Variants in ARRB1 observed in about 807,000 individuals in gnomAD.
ARRB1 encodes the protein beta-arrestin-1.
ARRB1 carries 21 observed loss-of-function variants against 56.8 expected under a neutral mutation model. That is an observed-to-expected ratio of 0.37 (90% confidence interval 0.26 to 0.53). The LOEUF is 0.53. Ranked by LOEUF, ARRB1 falls within the 20% of genes least tolerant of loss-of-function variation. The pLI, the probability that ARRB1 is intolerant of heterozygous loss-of-function variation, is 0.88. For synonymous variants in ARRB1, 210 were observed against 218.6 expected, an observed-to-expected ratio of 0.96 and a Z score of 0.35; for missense variants, 424 against 553.7, an observed-to-expected ratio of 0.77 and a Z score of 2.35.
At chr11:75,346,641 C>T (rs887414400) in intron 1 of ARRB1, among the ~76,000 whole-genome samples, 9 of 152,158 alleles carry the variant, frequency 5.9e-5, no homozygotes, top group African/African-American at 1.9e-4. Flanking sequence ...TGAGGGGTCT[C>T]GCTCCAGCTC....
At chr11:75,314,551 G>A (rs1172495082) in intron 1 of ARRB1, among the ~76,000 whole-genome samples, 2 of 152,162 alleles carry the variant, frequency 1.3e-5, no homozygotes, top group Non-Finnish European at 2.9e-5. Context: ...AAGGCTTTGG[G>A]ATCTGCCACT....
At chr11:75,297,547 C>T (rs1565124287) in intron 1 of ARRB1, among the ~76,000 whole-genome samples, 1 of 151,984 alleles carries the variant, frequency 6.6e-6, no homozygotes, top group South Asian at 2.1e-4. Flanking sequence ...AGTTAGATCC[C>T]GACCTCACAT....
At chr11:75,275,157 A>ATTTTATTTTTTTTT (rs761453235) in intron 10 of ARRB1, among the ~76,000 whole-genome samples, 2 of 150,626 alleles carry the variant, frequency 1.3e-5, no homozygotes, top group Non-Finnish European at 3.0e-5. Flanking sequence ...ATTTTATTTT[A>ATTTTATTTTTTTTT]TTTTTTTGAG....
chr11:75,334,938 TTGTTTG>T (rs1405145545), intron 1 of ARRB1, among the ~76,000 whole-genome samples: 3 of 151,298 alleles, frequency 2.0e-5, no homozygotes, highest in African/African-American at 7.3e-5. Flanking sequence ...GGTTTTTTTT[TTGTTTG>T]TTTGTTTGTT....
rs960327180 is a variant in ARRB1 at position 75,278,822 on chromosome 11, C to A, written c.483-78G>T. On this transcript the variant is annotated intron_variant, in intron 7 of 15. Coordinates refer to ENST00000420843, the MANE Select transcript of ARRB1 (RefSeq NM_004041.5). ...CTCTCCTTGCGAGCCTCACATCATT[C>A]TCCTGCTCAAGAGACTGGCATGGCT... is the stretch of plus-strand genomic sequence containing the variant. 5.2e-6 allele frequency: 8 copies of A among 1,528,676 alleles called. No individual in the cohort carries two copies. The Admixed American group carries it at 8.0e-5, about 15-fold the overall frequency. The allele number at this position is 1,528,676 out of a possible 1,614,324, so 94.7% of individuals were successfully genotyped here.
intron 1 of ARRB1, among the ~76,000 whole-genome samples, chr11:75,315,674 G>A (rs1344731349): frequency 1.3e-5 from 2 of 152,182 alleles, no homozygotes; most frequent in Non-Finnish European, 2.9e-5. Context: ...AACGGACACA[G>A]GTCAGAAAAG....
chr11:75,283,248 C>G (rs200582118), intron 5 of ARRB1, 39 bp downstream of exon 5: 1 of 1,559,180 alleles, frequency 6.4e-7, no homozygotes, highest in East Asian at 2.3e-5. Context: ...CTAGAGGTGG[C>G]ATTTCTGGAA....
intron 1 of ARRB1, among the ~76,000 whole-genome samples, chr11:75,300,134 G>A (rs1946863426): frequency 6.6e-6 from 1 of 150,886 alleles, no homozygotes; most frequent in Admixed American, 6.6e-5. Context: ...AACCCAGGAG[G>A]CGAGGTTGCA....
At chr11:75,301,288 C>T (rs1479045380) in intron 1 of ARRB1, among the ~76,000 whole-genome samples, 1 of 152,192 alleles carries the variant, frequency 6.6e-6, no homozygotes, top group Non-Finnish European at 1.5e-5. Flanking sequence ...CAGCGAGCCT[C>T]TGGTGTGGCT....
chr11:75,343,354 G>T (rs1947718559), intron 1 of ARRB1, among the ~76,000 whole-genome samples: 1 of 152,166 alleles, frequency 6.6e-6, no homozygotes, highest in South Asian at 2.1e-4. Flanking sequence ...GGTACTGAAA[G>T]CCAGCAATAA....
Position 75,317,564 on chromosome 11 carries a change from G to A in ARRB1, c.21-27525C>T, listed in dbSNP as rs76301919. On this transcript the variant is annotated intron_variant, in intron 1 of 15. Coordinates refer to ENST00000420843, the MANE Select transcript of ARRB1 (RefSeq NM_004041.5). ...TCTCCTGTGCCTGCACTTTTCCCTC[G>A]GAGCACATTTCACAGTGTGCATCTC... Among the ~76,000 whole-genome samples, 159 of 152,180 alleles carry A rather than the reference G, an allele frequency of 1.0e-3. 2 individuals carry two copies. The East Asian group carries it at 0.029, about 28-fold the overall frequency.
At chr11:75,316,476 C>A (rs1947267559) in intron 1 of ARRB1, among the ~76,000 whole-genome samples, 1 of 152,196 alleles carries the variant, frequency 6.6e-6, no homozygotes, top group African/African-American at 2.4e-5. Flanking sequence ...TAATTCAAAA[C>A]TGAGCTCCCT....
At chr11:75,273,251 T>G (rs1392100844) in intron 11 of ARRB1, among the ~76,000 whole-genome samples, 1 of 152,100 alleles carries the variant, frequency 6.6e-6, no homozygotes, top group East Asian at 1.9e-4. Context: ...GTCCCCGCCA[T>G]GAGGGCCAGG....
intron 2 of ARRB1, among the ~76,000 whole-genome samples, chr11:75,287,737 C>A (rs995630616): frequency 2.0e-5 from 3 of 152,366 alleles, no homozygotes; most frequent in East Asian, 1.9e-4. Flanking sequence ...GTGAGAGCCC[C>A]CAGGCAGGCG....
intron 2 of ARRB1, among the ~76,000 whole-genome samples, chr11:75,288,940 G>C (rs1946544497): frequency 6.6e-6 from 1 of 152,158 alleles, no homozygotes; most frequent in South Asian, 2.1e-4. Context: ...ACCCATTAAT[G>C]GTTCCTCAGT....
At chr11:75,289,915 A>G in intron 2 of ARRB1, 94 bp downstream of exon 2, 1 of 1,574,860 alleles carries the variant, frequency 6.3e-7, no homozygotes, top group Non-Finnish European at 8.7e-7. Flanking sequence ...AGAGGTGTGC[A>G]TTTCAGGGGA....
Position 75,321,797 on chromosome 11 carries a change from T to C in ARRB1, c.20+29791A>G, listed in dbSNP as rs115386567. Among the ~76,000 whole-genome samples, 265 of 152,336 alleles carry C rather than the reference T, an allele frequency of 1.7e-3. 1 individual carries two copies. Among genetic ancestry groups the C allele is most frequent in the African/African-American group, 5.8e-3 (242 of 41,566 alleles). On this transcript the variant is annotated intron_variant, in intron 1 of 15. Transcript: ENST00000420843. ...CTTCTTATGAATATTCAACAGAATT[T>C]ATTGAGCACCTATTGTGTGTCAGAT... is the stretch of plus-strand genomic sequence containing the variant.
In ARRB1 at chr11:75,338,435, C is replaced by T. The variant is rs541839437; in HGVS notation, c.20+13153G>A. On this transcript the variant is annotated intron_variant, in intron 1 of 15. Coordinates refer to ENST00000420843, the MANE Select transcript of ARRB1 (RefSeq NM_004041.5). ...TTTGGATCCCCTGAACTGGGGCTGC[C>T]CACAGGAAGGCATGGTTTTCTCTTC... Among the ~76,000 whole-genome samples the T allele has an allele frequency of 2.0e-5, 3 of 152,294 alleles. No homozygotes were observed. The East Asian group carries it at 5.8e-4, about 29-fold the overall frequency.
Position 75,283,348 on chromosome 11 carries a change from G to T in ARRB1, c.293C>A (p.Thr98Lys). ...CTTGATGAGGCGTTCCTGCAGCCGC[G>T]TCAGGGGCTTCTTGTCCTCGGGGGC... ...PPAPEDKKPL[T>K]RLQERLIKKL... is the part of the protein sequence containing the mutation. The change falls in exon 5 of 16, where the codon ACG becomes AAG. Residue 98 changes from threonine (T) to lysine (K), a missense_variant. Transcript: ENST00000420843. The T allele has an allele frequency of 6.2e-7, 1 of 1,614,138 alleles. No individual in the cohort carries two copies. Among genetic ancestry groups the T allele is most frequent in the African/African-American group, 1.3e-5 (1 of 75,048 alleles).
Sources: gnomAD v4.1 joint callset for allele counts (sites outside exome capture counted in the v4.1 genomes callset) on GRCh38, gnomAD v4.1.1 for gene constraint, MANE v1.5 for transcripts, NCBI Gene and HGNC (gene_info 2026-07-23, HGNC 2026-07-21) for gene names.